The following LHFPL3 variants were observed in gnomAD, a reference collection of about 807,000 sequenced individuals.
The protein encoded by LHFPL3 is LHFPL tetraspan subfamily member 3 protein.
Under a neutral mutation model 19.3 loss-of-function variants are expected in LHFPL3, and 5 were observed. The ratio of observed to expected loss-of-function variants is 0.26; its 90% CI spans 0.14 to 0.54. The LOEUF (loss-of-function observed/expected upper bound fraction) is 0.54, where lower values mean the gene tolerates loss of function less well. Among genes scored for constraint, LHFPL3 ranks in the 20% least tolerant of loss-of-function variants. The pLI is 0.94. For missense variants in LHFPL3, 249 were observed against 307.4 expected (o/e 0.81, Z 1.42); for synonymous variants, 133 against 126.2 (o/e 1.05, Z -0.36).
chr7:104,903,362 C>T (rs1175472751), intron 2 of LHFPL3, among the ~76,000 whole-genome samples: 2 of 152,000 alleles, frequency 1.3e-5, no homozygotes, highest in African/African-American at 4.8e-5. Flanking sequence ...TACTTGAGAA[C>T]CTCAAGAAAA....
intron 1 of LHFPL3, among the ~76,000 whole-genome samples, chr7:104,531,184 C>A (rs888204213): frequency 1.3e-5 from 2 of 152,038 alleles, no homozygotes; most frequent in African/African-American, 4.8e-5. Context: ...GATTTTATTT[C>A]TATCAACAAT....
intron 1 of LHFPL3, among the ~76,000 whole-genome samples, chr7:104,356,312 T>A (rs536765086): frequency 6.6e-6 from 1 of 152,246 alleles, no homozygotes; most frequent in African/African-American, 2.4e-5. Flanking sequence ...CCTCTGACCA[T>A]ACACCCAAAG....
intron 1 of LHFPL3, among the ~76,000 whole-genome samples, chr7:104,725,850 T>A (rs770007090): frequency 1.1e-4 from 17 of 151,994 alleles, no homozygotes; most frequent in Non-Finnish European, 2.2e-4. Flanking sequence ...AGGAGTTCAA[T>A]ACCAGCCTGG....
chr7:104,513,639 A>C (rs1206946283), intron 1 of LHFPL3, among the ~76,000 whole-genome samples: 1 of 152,198 alleles, frequency 6.6e-6, no homozygotes, highest in Admixed American at 6.6e-5. Context: ...GACAAATTCA[A>C]ATACAATTTC....
At chr7:104,853,817 A>G (rs1791453731) in intron 2 of LHFPL3, among the ~76,000 whole-genome samples, 1 of 152,186 alleles carries the variant, frequency 6.6e-6, no homozygotes, top group South Asian at 2.1e-4. Flanking sequence ...TGACTTGGAG[A>G]TAATCATCTT....
chr7:104,752,845 CTG>C (rs763385031), intron 2 of LHFPL3: 4 of 381,296 alleles, frequency 1.0e-5, no homozygotes, highest in South Asian at 2.6e-4. Flanking sequence ...TACAGCAAAA[CTG>C]AGCAAAGTAA....
chr7:104,877,271 T>A lies in LHFPL3; in HGVS notation c.683-28916T>A, dbSNP rs190323365. On this transcript the variant is annotated intron_variant, in intron 2 of 2. Coordinates refer to ENST00000424859, the MANE Select transcript of LHFPL3 (RefSeq NM_199000.3). ...TGCACATGTACCCTAGAACTTAAAGTATAATAAAAAAAAAATTGAGGATTA... is the reference window on the plus strand; with the variant it reads ...TGCACATGTACCCTAGAACTTAAAGAATAATAAAAAAAAAATTGAGGATTA... Among the ~76,000 whole-genome samples the A allele has an allele frequency of 1.6e-3, 208 of 133,164 alleles. 2 individuals are homozygous for A. The highest frequency in any genetic ancestry group is 5.5e-3 in the African/African-American group (200 of 36,276). The allele number at this position is 133,164 out of a possible 152,430, so 87.4% of individuals were successfully genotyped here. A position where few individuals can be genotyped will look rare whatever the true frequency, so the allele number is the denominator to read the frequency against.
chr7:104,896,811 C>T (rs764012858), intron 2 of LHFPL3, among the ~76,000 whole-genome samples: 1 of 152,120 alleles, frequency 6.6e-6, no homozygotes, highest in Admixed American at 6.5e-5. Context: ...CTGGGCTGGG[C>T]TCGGTGGCTC....
chr7:104,390,629 TGCCACAATAAACA>T (rs1176457591), intron 1 of LHFPL3, among the ~76,000 whole-genome samples: 24 of 152,210 alleles, frequency 1.6e-4, no homozygotes, highest in Non-Finnish European at 2.9e-4. Flanking sequence ...TTGTGAATAG[TGCCACAATAAACA>T]TATGTGTGCA....
intron 1 of LHFPL3, among the ~76,000 whole-genome samples, chr7:104,346,585 A>G (rs920445638): frequency 1.3e-5 from 2 of 152,140 alleles, no homozygotes; most frequent in African/African-American, 4.8e-5. Context: ...CTGGGTTAGC[A>G]TCATGTTTTT....
At chr7:104,426,703 T>C (rs149138820) in intron 1 of LHFPL3, among the ~76,000 whole-genome samples, 50 of 152,370 alleles carry the variant, frequency 3.3e-4, no homozygotes, top group African/African-American at 1.2e-3. Flanking sequence ...TTCCCTACCT[T>C]ATATATAGTT....
chr7:104,782,903 C>A (rs1789841226), intron 2 of LHFPL3, among the ~76,000 whole-genome samples: 1 of 152,248 alleles, frequency 6.6e-6, no homozygotes, highest in African/African-American at 2.4e-5. Context: ...TATGCAGCAA[C>A]CCCCATTTCC....
At chr7:104,662,717 G>A (rs1230636171) in intron 1 of LHFPL3, among the ~76,000 whole-genome samples, 1 of 152,212 alleles carries the variant, frequency 6.6e-6, no homozygotes, top group East Asian at 1.9e-4. Flanking sequence ...TACTGTTGAT[G>A]AAACTTATCT....
At chr7:104,860,178 C>CACACA (rs1562817137) in intron 2 of LHFPL3, among the ~76,000 whole-genome samples, 8 of 128,874 alleles carry the variant, frequency 6.2e-5, no homozygotes, top group Non-Finnish European at 1.2e-4. Flanking sequence ...ATACACCCAC[C>CACACA]CACACACACA....
intron 1 of LHFPL3, among the ~76,000 whole-genome samples, chr7:104,500,302 G>T (rs561498426): frequency 6.6e-6 from 1 of 152,144 alleles, no homozygotes; most frequent in East Asian, 1.9e-4. Context: ...ATCAACTGGA[G>T]ATCAATACTT....
chr7:104,708,717 C>T (rs1425770233), intron 1 of LHFPL3, among the ~76,000 whole-genome samples: 2 of 152,126 alleles, frequency 1.3e-5, no homozygotes, highest in African/African-American at 4.8e-5. Context: ...GCCCCAGTCC[C>T]CTTCTGACTC....
intron 2 of LHFPL3, among the ~76,000 whole-genome samples, chr7:104,786,013 T>C (rs1216768532): frequency 6.6e-6 from 1 of 152,214 alleles, no homozygotes; most frequent in African/African-American, 2.4e-5. Flanking sequence ...TGTACCTCCA[T>C]GTACACTGTG....
intron 2 of LHFPL3, among the ~76,000 whole-genome samples, chr7:104,875,091 T>G (rs1220604567): frequency 6.6e-6 from 1 of 152,036 alleles, no homozygotes; most frequent in Non-Finnish European, 1.5e-5. Context: ...CAAGCAATCC[T>G]CCTACCTCAG....
intron 1 of LHFPL3, among the ~76,000 whole-genome samples, chr7:104,529,504 G>T (rs1794253826): frequency 1.3e-5 from 2 of 152,098 alleles, no homozygotes; most frequent in South Asian, 2.1e-4. Flanking sequence ...CATAGCTCCT[G>T]CCTGATCTAA....
Sources: gnomAD v4.1 joint callset for allele counts (sites outside exome capture counted in the v4.1 genomes callset) on GRCh38, gnomAD v4.1.1 for gene constraint, MANE v1.5 for transcripts, NCBI Gene and HGNC (gene_info 2026-07-23, HGNC 2026-07-21) for gene names.